The following TSHZ2 variants were observed in gnomAD, a reference collection of about 807,000 sequenced individuals.
TSHZ2 encodes teashirt zinc finger homeobox 2.
A neutral mutation model predicts 74.4 loss-of-function variants in TSHZ2; 21 were observed. The ratio of observed to expected loss-of-function variants is 0.28; its 90% CI spans 0.20 to 0.41. The LOEUF is 0.41. Ranked by LOEUF, TSHZ2 falls within the 10% of genes least tolerant of loss-of-function variation. The pLI, the probability that TSHZ2 is intolerant of heterozygous loss-of-function variation, is 1.00. For missense variants in TSHZ2, 1,244 were observed against 1,293.5 expected (o/e 0.96, Z 0.59); for synonymous variants, 540 against 515.3 (o/e 1.05, Z -0.65).
intron 1 of TSHZ2, among the ~76,000 whole-genome samples, chr20:53,103,901 A>G (rs542441639): frequency 6.6e-6 from 1 of 152,348 alleles, no homozygotes; most frequent in Admixed American, 6.5e-5. Flanking sequence ...TACCAGTTAT[A>G]GAAGTGGAGA....
chr20:53,090,354 A>G (rs1985843820), intron 1 of TSHZ2, among the ~76,000 whole-genome samples: 2 of 152,172 alleles, frequency 1.3e-5, no homozygotes, highest in African/African-American at 4.8e-5. Context: ...GGCGTCCTTC[A>G]ATTCAATCAA....
At chr20:53,052,214 G>A (rs1402486877) in intron 1 of TSHZ2, among the ~76,000 whole-genome samples, 1 of 152,128 alleles carries the variant, frequency 6.6e-6, no homozygotes, top group Non-Finnish European at 1.5e-5. Flanking sequence ...GGTACCTCAT[G>A]TACGTAGAAT....
chr20:53,485,726 G>C (rs1986274342), intron 2 of TSHZ2, among the ~76,000 whole-genome samples: 1 of 151,946 alleles, frequency 6.6e-6, no homozygotes, highest in African/African-American at 2.4e-5. Flanking sequence ...AAAAGCATGG[G>C]AAAAGAAAAG....
At chr20:53,242,347 C>A (rs1242950006) in intron 1 of TSHZ2, among the ~76,000 whole-genome samples, 1 of 152,104 alleles carries the variant, frequency 6.6e-6, no homozygotes, top group East Asian at 1.9e-4. Context: ...TTATGGTGAC[C>A]CAGCTGACTC....
intron 1 of TSHZ2, among the ~76,000 whole-genome samples, chr20:53,110,411 T>G (rs1323007699): frequency 1.3e-5 from 2 of 152,114 alleles, no homozygotes; most frequent in Non-Finnish European, 2.9e-5. Flanking sequence ...TCTCTATCCC[T>G]TTAGCATAAC....
chr20:53,394,528 G>C (rs1423219003), intron 2 of TSHZ2, among the ~76,000 whole-genome samples: 1 of 152,072 alleles, frequency 6.6e-6, no homozygotes, highest in East Asian at 1.9e-4. Context: ...GGATGTTGGA[G>C]ATGTGATAAT....
In TSHZ2 at chr20:53,368,676, G is replaced by A. The variant is rs549887599; in HGVS notation, c.*8+112105G>A. On this transcript the variant is annotated intron_variant, in intron 2 of 2. Coordinates refer to ENST00000371497, the MANE Select transcript of TSHZ2 (RefSeq NM_173485.6). ...CGCCATAAACTGATAGCAATATAGG[G>A]TAACATTTACACCTTTCATGAGCAA... Among the ~76,000 whole-genome samples the A allele has an allele frequency of 3.3e-5, 5 of 152,270 alleles. No individual in the cohort carries two copies. In the East Asian group the frequency reaches 9.7e-4, roughly 29 times the overall value.
intron 2 of TSHZ2, among the ~76,000 whole-genome samples, chr20:53,281,158 A>G (rs1991053703): frequency 6.6e-6 from 1 of 152,218 alleles, no homozygotes; most frequent in Admixed American, 6.5e-5. Flanking sequence ...TGTTAGTTGT[A>G]AGAATGCTGA....
intron 2 of TSHZ2, among the ~76,000 whole-genome samples, chr20:53,401,869 G>A (rs972079396): frequency 1.5e-5 from 2 of 136,670 alleles, no homozygotes; most frequent in South Asian, 2.5e-4. Flanking sequence ...TGCAAGTTCC[G>A]CCTCCCGGGT....
chr20:53,253,570 T>C lies in TSHZ2; in HGVS notation c.112T>C (p.Ser38Pro). 6.2e-7 allele frequency: 1 copy of C among 1,613,936 alleles called. No homozygotes were observed. Among genetic ancestry groups the C allele is most frequent in the Non-Finnish European group, 8.5e-7 (1 of 1,179,970 alleles). The change falls in exon 2 of 3, where the codon TCA becomes CCA. Residue 38 changes from serine to proline, a missense_variant. This residue lies in a region of TSHZ2 where 470 missense variants were observed against 456.5 expected (regional missense o/e 1.03). Coordinates refer to ENST00000371497, the MANE Select transcript of TSHZ2 (RefSeq NM_173485.6). Reference sequence around the variant, plus strand: ...AGAGGAGGAGGAGGAGGACAGCGGTTCAGTAGCTCAACTGCAGGGTGGCAA... The same window carrying C: ...AGAGGAGGAGGAGGAGGACAGCGGTCCAGTAGCTCAACTGCAGGGTGGCAA... ...KEEEEEEDSG[S>P]VAQLQGGNDT...
At chr20:53,154,557 A>G (rs983289053) in intron 1 of TSHZ2, among the ~76,000 whole-genome samples, 2 of 152,282 alleles carry the variant, frequency 1.3e-5, no homozygotes, top group South Asian at 2.1e-4. Context: ...TCAAAAATCA[A>G]TTTCTGAAAT....
At chr20:52,997,263 G>GGC (rs1555813119) in intron 1 of TSHZ2, among the ~76,000 whole-genome samples, 15 of 151,410 alleles carry the variant, frequency 9.9e-5, no homozygotes, top group African/African-American at 3.2e-4. Flanking sequence ...TTGCCCCGGG[G>GGC]GGGGGTTCAG....
chr20:53,424,523 T>A (rs892672917), intron 2 of TSHZ2, among the ~76,000 whole-genome samples: 1 of 152,344 alleles, frequency 6.6e-6, no homozygotes, highest in Middle Eastern at 3.4e-3. Flanking sequence ...GTTTCATACC[T>A]GGGCACATAT....
chr20:53,166,844 C>G (rs1440091662), intron 1 of TSHZ2, among the ~76,000 whole-genome samples: 3 of 152,030 alleles, frequency 2.0e-5, no homozygotes, highest in African/African-American at 7.2e-5. Flanking sequence ...AGCTTACAAT[C>G]AATGGTTTGA....
Position 53,404,776 on chromosome 20 carries a change from C to T in TSHZ2, c.*9-82368C>T, listed in dbSNP as rs142303652. Among the ~76,000 whole-genome samples, 24 of 152,296 alleles carry T rather than the reference C, an allele frequency of 1.6e-4. No individual in the cohort carries two copies. The East Asian group carries it at 4.2e-3, about 27-fold the overall frequency. Reference sequence around the variant, plus strand: ...CTATAATCATCCAAGTCCAAGACTTCCCCTTACATGCTAATTCAATGAAGG... The same window carrying T: ...CTATAATCATCCAAGTCCAAGACTTTCCCTTACATGCTAATTCAATGAAGG... On this transcript the variant is annotated intron_variant, in intron 2 of 2. Coordinates refer to ENST00000371497, the MANE Select transcript of TSHZ2 (RefSeq NM_173485.6).
chr20:53,453,162 T>C (rs1470334343), intron 2 of TSHZ2: 1 of 152,250 alleles, frequency 6.6e-6, no homozygotes, highest in Non-Finnish European at 1.5e-5. Flanking sequence ...GATGAATGAA[T>C]GAATGAATTC....
intron 2 of TSHZ2, among the ~76,000 whole-genome samples, chr20:53,332,432 C>T (rs897728260): frequency 8.5e-5 from 13 of 152,172 alleles, no homozygotes; most frequent in Admixed American, 3.9e-4. Context: ...ATGAAAAAGA[C>T]GATGGCAGAA....
intron 1 of TSHZ2, among the ~76,000 whole-genome samples, chr20:53,160,819 A>G (rs949301193): frequency 4.0e-5 from 6 of 151,688 alleles, no homozygotes; most frequent in African/African-American, 1.5e-4. Context: ...ACCTCTGGAA[A>G]CATTTTTCTT....
chr20:53,415,569 T>C (rs1398307810), intron 2 of TSHZ2, among the ~76,000 whole-genome samples: 2 of 152,076 alleles, frequency 1.3e-5, no homozygotes, highest in African/African-American at 4.8e-5. Flanking sequence ...ACAGATAATT[T>C]ACCTACCTGT....
Sources: gnomAD v4.1 joint callset for allele counts (sites outside exome capture counted in the v4.1 genomes callset) on GRCh38, gnomAD v4.1.1 for gene constraint, gnomAD v4.1.1 regional missense constraint, MANE v1.5 for transcripts, NCBI Gene and HGNC (gene_info 2026-07-23, HGNC 2026-07-21) for gene names.